The following PRKG1 variants were observed in gnomAD, a reference collection of about 807,000 sequenced individuals.
The protein encoded by PRKG1 is protein kinase cGMP-dependent 1.
A neutral mutation model predicts 88.1 loss-of-function variants in PRKG1; 35 were observed. That is an observed-to-expected ratio of 0.40 (90% CI 0.30 to 0.53). PRKG1 has a LOEUF of 0.53. Ranked by LOEUF, PRKG1 falls within the 20% of genes least tolerant of loss-of-function variation. PRKG1 has a pLI of 0.59. For synonymous variants in PRKG1, 303 were observed against 292.5 expected, an observed-to-expected ratio of 1.04 and a Z score of -0.37; for missense variants, 540 against 839.8, an observed-to-expected ratio of 0.64 and a Z score of 4.41.
At chr10:52,042,346 C>G (rs1845772190) in intron 5 of PRKG1, among the ~76,000 whole-genome samples, 1 of 152,036 alleles carries the variant, frequency 6.6e-6, no homozygotes, top group African/African-American at 2.4e-5. Flanking sequence ...CTATAGTAAC[C>G]AAAACACATG....
At chr10:51,627,283 A>G (rs1315789562) in intron 3 of PRKG1, among the ~76,000 whole-genome samples, 2 of 152,148 alleles carry the variant, frequency 1.3e-5, no homozygotes, top group African/African-American at 4.8e-5. Flanking sequence ...AATGGGATAC[A>G]TGGAAAAAAA....
intron 9 of PRKG1, among the ~76,000 whole-genome samples, chr10:52,199,627 A>C (rs542788994): frequency 6.6e-6 from 1 of 152,270 alleles, no homozygotes; most frequent in South Asian, 2.1e-4. Context: ...GCCCTACAGG[A>C]AGAGGTTATG....
intron 4 of PRKG1, among the ~76,000 whole-genome samples, chr10:51,829,206 T>C (rs1003448864): frequency 6.6e-6 from 1 of 152,212 alleles, no homozygotes; most frequent in Non-Finnish European, 1.5e-5. Context: ...TAAGGATAAA[T>C]GATGCAAGAC....
At chr10:51,307,067 A>G (rs1050212814) in intron 2 of PRKG1, among the ~76,000 whole-genome samples, 8 of 152,086 alleles carry the variant, frequency 5.3e-5, no homozygotes, top group African/African-American at 1.9e-4. Context: ...TGAGTTAGAG[A>G]AATATCAACA....
intron 4 of PRKG1, among the ~76,000 whole-genome samples, chr10:51,855,323 C>T (rs184098295): frequency 1.3e-5 from 2 of 152,222 alleles, no homozygotes; most frequent in Admixed American, 1.3e-4. Context: ...ATTTTCTATT[C>T]TAGAGTAACT....
chr10:51,174,086 T>C (rs530279835), intron 2 of PRKG1, among the ~76,000 whole-genome samples: 1 of 152,032 alleles, frequency 6.6e-6, no homozygotes, highest in Non-Finnish European at 1.5e-5. Context: ...TTAAATGTTT[T>C]CACCACAAAA....
chr10:52,124,422 T>C (rs1299060008), intron 7 of PRKG1, among the ~76,000 whole-genome samples: 1 of 152,104 alleles, frequency 6.6e-6, no homozygotes, highest in Non-Finnish European at 1.5e-5. Context: ...ATAGAAAAGG[T>C]AAAGCAAAAA....
intron 2 of PRKG1, among the ~76,000 whole-genome samples, chr10:51,389,275 A>T (rs1837335655): frequency 6.6e-6 from 1 of 152,208 alleles, no homozygotes; most frequent in Non-Finnish European, 1.5e-5. Context: ...ATCTTATGCA[A>T]AGACATTACT....
chr10:51,872,877 G>T (rs1203844075), intron 4 of PRKG1, among the ~76,000 whole-genome samples: 1 of 151,746 alleles, frequency 6.6e-6, no homozygotes, highest in African/African-American at 2.4e-5. Flanking sequence ...ATTTTCTTAG[G>T]TTCAGAGCCT....
intron 2 of PRKG1, among the ~76,000 whole-genome samples, chr10:51,277,952 T>C (rs938243790): frequency 6.6e-6 from 1 of 152,204 alleles, no homozygotes; most frequent in African/African-American, 2.4e-5. Context: ...TCTTTCTTTC[T>C]CCTGCCTGAT....
chr10:52,282,206 T>C lies in PRKG1; in HGVS notation c.1599T>C (p.Phe533=), dbSNP rs1284104276. 1.2e-6 allele frequency: 2 copies of C among 1,609,800 alleles called. No individual in the cohort carries two copies. The highest frequency in any genetic ancestry group is 1.7e-5 in the Admixed American group (1 of 59,638). Residue 533 remains phenylalanine, a synonymous_variant, in exon 14 of 18, where the codon TTT becomes TTC. Transcript: ENST00000373980. ...KIGFGKKTWT[F]CGTPEYVAPE... The stretch of plus-strand genomic sequence containing the variant: ...GATTTGGAAAGAAAACATGGACTTT[T>C]TGTGGGACTCCAGAGTATGTAGCCC...
intron 3 of PRKG1, among the ~76,000 whole-genome samples, chr10:51,747,153 G>T (rs941395148): frequency 1.3e-5 from 2 of 152,126 alleles, no homozygotes; most frequent in Non-Finnish European, 2.9e-5. Flanking sequence ...ATTTTGCATT[G>T]CTCTAAAGTG....
chr10:51,883,436 G>T (rs2132885010), intron 4 of PRKG1, among the ~76,000 whole-genome samples: 1 of 152,228 alleles, frequency 6.6e-6, no homozygotes, highest in East Asian at 1.9e-4. Context: ...GAGAACCCTA[G>T]CTAATACATA....
At chr10:52,130,101 T>C (rs1837215080) in intron 7 of PRKG1, among the ~76,000 whole-genome samples, 1 of 152,206 alleles carries the variant, frequency 6.6e-6, no homozygotes, top group African/African-American at 2.4e-5. Context: ...GTTCCCGACA[T>C]GTACTATATG....
At chr10:51,727,273 G>T in intron 3 of PRKG1, among the ~76,000 whole-genome samples, 1 of 142,720 alleles carries the variant, frequency 7.0e-6, no homozygotes, top group Non-Finnish European at 1.5e-5. Context: ...AGACCCCATT[G>T]CAAAAAAAAA....
At chr10:51,359,459 C>CGTGTGTGT (rs145482737) in intron 2 of PRKG1, among the ~76,000 whole-genome samples, 6 of 130,762 alleles carry the variant, frequency 4.6e-5, no homozygotes, top group African/African-American at 1.5e-4. Flanking sequence ...TGTGTGTGTG[C>CGTGTGTGT]GTGTGTGTGT....
chr10:51,093,849 GTAC>G (rs1378606330), intron 1 of PRKG1, among the ~76,000 whole-genome samples: 24 of 145,062 alleles, frequency 1.7e-4, no homozygotes, highest in Middle Eastern at 3.7e-3. Context: ...ATGCACTCAG[GTAC>G]TACTACCTCC....
At position 51,605,094 on chromosome 10, in the gene PRKG1, C is replaced by T. The variant is rs188840613; in HGVS notation, c.592+137258C>T. On this transcript the variant is annotated intron_variant, in intron 3 of 17. Coordinates refer to ENST00000373980, the MANE Select transcript of PRKG1 (RefSeq NM_006258.4). The stretch of plus-strand genomic sequence containing the variant: ...TCCCCTGGAGTCGGGCCGCCCAAGG[C>T]TATACTCCCCTCGGCATCTGCGTTG... 2.6e-5 allele frequency among the ~76,000 whole-genome samples: 4 copies of T among 152,252 alleles called. 1 individual carries two copies. In the East Asian group the frequency reaches 7.7e-4, roughly 29 times the overall value.
chr10:51,257,836 T>C (rs2132153379), intron 2 of PRKG1, among the ~76,000 whole-genome samples: 1 of 152,298 alleles, frequency 6.6e-6, no homozygotes, highest in South Asian at 2.1e-4. Flanking sequence ...AGCATAGTGC[T>C]CACCAGCATA....
Sources: allele counts gnomAD v4.1 joint callset (sites outside exome capture counted in the v4.1 genomes callset), GRCh38; gene constraint gnomAD v4.1.1; transcripts MANE v1.5; gene names NCBI Gene and HGNC (gene_info 2026-07-23, HGNC 2026-07-21).